Variants in CD207 observed in about 807,000 individuals in gnomAD.
The protein encoded by CD207 is CD207 molecule, also known as C-type lectin domain family 4 member K.
In CD207, 28 loss-of-function variants were observed where a neutral mutation model predicts 31.6. That is an observed-to-expected ratio of 0.89 (90% CI 0.66 to 1.21). The LOEUF is 1.21. CD207 is among the 50% of genes most tolerant of loss of function. The pLI is 0.00. For synonymous variants in CD207, 168 were observed against 153.9 expected, an observed-to-expected ratio of 1.09 and a Z score of -0.68; for missense variants, 388 against 397.8, an observed-to-expected ratio of 0.98 and a Z score of 0.21.
rs537437136 is a variant in CD207 at position 70,833,662 on chromosome 2, C to T, written c.549G>A (p.Lys183=). Residue 183 remains lysine, a synonymous_variant, in exon 3 of 6, where the codon AAG becomes AAA. Coordinates refer to ENST00000410009, the MANE Select transcript of CD207 (RefSeq NM_015717.5). ...GTCACTTACTTTGTCGTTTGAGCAA[C>T]TTGCTCATATTCTCCAAGCTGCCCT... ...ALQGSLENMS[K]LLKRQNDILQ... The T allele has an allele frequency of 1.9e-5, 30 of 1,610,868 alleles. 1 individual carries two copies. In the South Asian group the frequency reaches 3.2e-4, roughly 17 times the overall value.
In CD207 at chr2:70,835,777, C is replaced by T; in HGVS notation, c.-1G>A. On this transcript the variant is annotated 5_prime_UTR_variant, in exon 1 of 6. Coordinates refer to ENST00000410009, the MANE Select transcript of CD207 (RefSeq NM_015717.5). Reference sequence around the variant, plus strand: ...CAGGGGCCTCCTTCTCCACAGTCATCCTGAGTGCTCACCCTTATCCTGGGA... The same window carrying T: ...CAGGGGCCTCCTTCTCCACAGTCATTCTGAGTGCTCACCCTTATCCTGGGA... 3.1e-6 allele frequency: 5 copies of T among 1,609,714 alleles called. No homozygotes were observed. Among genetic ancestry groups the T allele is most frequent in the Non-Finnish European group, 4.2e-6 (5 of 1,177,966 alleles).
At chr2:70,828,741 C>T (rs537087670), downstream of CD207, among the ~76,000 whole-genome samples, 2 of 152,308 alleles carry the variant, frequency 1.3e-5, no homozygotes, top group Admixed American at 1.3e-4. Flanking sequence ...TCTCAGCTCA[C>T]TGCAACCTCT....
chr2:70,828,885 G>A (rs1553399243), downstream of CD207, among the ~76,000 whole-genome samples: 1 of 152,042 alleles, frequency 6.6e-6, no homozygotes, highest in African/African-American at 2.4e-5. Flanking sequence ...AGGCTGTCTC[G>A]AACTCCTGAC....
intron 2 of CD207, 71 bp downstream of exon 2, chr2:70,835,420 G>A: frequency 2.9e-6 from 3 of 1,031,506 alleles, no homozygotes; most frequent in Non-Finnish European, 4.5e-6. Context: ...CAGGGAAGTG[G>A]TCTCGATCTG....
At chr2:70,835,633 G>A (rs2104706180) in intron 1 of CD207, 26 bp from the exon 2 acceptor site, 1 of 1,610,600 alleles carries the variant, frequency 6.2e-7, no homozygotes, top group South Asian at 1.1e-5. Flanking sequence ...GAAAATGTGT[G>A]TTGAAGGAGC....
At chr2:70,835,407 G>A (rs1677588472) in intron 2 of CD207, 84 bp downstream of exon 2, 1 of 906,530 alleles carries the variant, frequency 1.1e-6, no homozygotes, top group Non-Finnish European at 1.8e-6. Context: ...GAAACCCGGA[G>A]AGCAGGGAAG....
rs1209596306 is a variant in CD207, at chr2:70,834,800, A to AC, written c.190+690dup. 3.3e-5 allele frequency among the ~76,000 whole-genome samples: 5 copies of AC among 152,098 alleles called. No individual in the cohort carries two copies. In the East Asian group the frequency reaches 7.8e-4, roughly 24 times the overall value. On this transcript the variant is annotated intron_variant, in intron 2 of 5. Coordinates refer to ENST00000410009, the MANE Select transcript of CD207 (RefSeq NM_015717.5). ...CGAGGCCACAGAGGGAGAAAAAAAA[A>AC]CCCAACAGCTTCTTGGGTCCCTTTG...
In CD207 at chr2:70,833,942, G is replaced by A. The variant is rs369671840; in HGVS notation, c.269C>T (p.Thr90Ile). ...ATTCTTTTTAATTTCAGAATCCAGG[G>A]TGCTGATGTTGTCCACACGACCTTT... The part of the protein sequence containing the change: ...LLKGRVDNIS[T>I]LDSEIKKNSD... The change falls in exon 3 of 6, where the codon ACC (threonine) becomes ATC (isoleucine). Residue 90 changes from threonine to isoleucine, a missense_variant. Thr to Ile is a moderately conservative substitution (Grantham distance 89). Transcript: ENST00000410009. 1 of 1,573,890 alleles carries A rather than the reference G, an allele frequency of 6.4e-7. No individual in the cohort carries two copies. The highest frequency in any genetic ancestry group is 8.6e-7 in the Non-Finnish European group (1 of 1,159,478).
At position 70,833,849 on chromosome 2, in the gene CD207, G is replaced by A; in HGVS notation, c.362C>T (p.Ser121Phe). ...MVNESLGYVR[S>F]QFLKLKTSVE... Reference sequence around the variant, plus strand: ...ACTGGTTTTTAACTTCAGGAACTGAGAACGCACATAACCCAGGCTCTCATT... The same window carrying A: ...ACTGGTTTTTAACTTCAGGAACTGAAAACGCACATAACCCAGGCTCTCATT... The change falls in exon 3 of 6, where the codon TCT (serine) becomes TTT (phenylalanine). Residue 121 changes from serine to phenylalanine, a missense_variant. Physicochemically the swap from Ser to Phe is radical, Grantham distance 155. Coordinates refer to ENST00000410009, the MANE Select transcript of CD207 (RefSeq NM_015717.5). 1 of 1,613,964 alleles carries A rather than the reference G, an allele frequency of 6.2e-7. No homozygotes were observed. Among genetic ancestry groups the A allele is most frequent in the Non-Finnish European group, 8.5e-7 (1 of 1,179,868 alleles).
chr2:70,835,497 C>A lies in CD207; in HGVS notation c.184G>T (p.Val62Phe). Residue 62 changes from valine to phenylalanine, a missense_variant, in exon 2 of 6, where the codon GTC (valine) becomes TTC (phenylalanine). Transcript: ENST00000410009. ...ATGAAACATGAGGACTTACAAAGGA[C>A]GGCCTGCAGCAGGACGGAGGCGACC... ...VLVASVLLQA[V>F]LYPRFMGTIS... The A allele has an allele frequency of 1.9e-6, 3 of 1,610,082 alleles. No homozygotes were observed. The highest frequency in any genetic ancestry group is 1.7e-6 in the Non-Finnish European group (2 of 1,176,902).
chr2:70,827,234 C>T (rs1301724453), downstream of CD207, among the ~76,000 whole-genome samples: 1 of 152,166 alleles, frequency 6.6e-6, no homozygotes, highest in African/African-American at 2.4e-5. Context: ...CTTTAGGCTC[C>T]CACAGAACAA....
intron 5 of CD207, 88 bp downstream of exon 5, chr2:70,831,613 T>C: frequency 4.8e-6 from 4 of 828,510 alleles, no homozygotes; most frequent in Non-Finnish European, 8.6e-6. Context: ...AGAAACCCTG[T>C]CTCATGGGGA....
chr2:70,832,180 G>C (rs1015879669), intron 4 of CD207, among the ~76,000 whole-genome samples: 1 of 152,206 alleles, frequency 6.6e-6, no homozygotes, highest in Non-Finnish European at 1.5e-5. Flanking sequence ...GTGCTGAGTC[G>C]TCCATATGCA....
chr2:70,832,247 G>A (rs1558628137), intron 4 of CD207, among the ~76,000 whole-genome samples: 1 of 152,186 alleles, frequency 6.6e-6, no homozygotes, highest in Non-Finnish European at 1.5e-5. Context: ...TCAAGTGAGG[G>A]CCAGTGAAGT....
At position 70,830,851 on chromosome 2, in the gene CD207, T is replaced by A; in HGVS notation, c.*199A>T. 2 of 519,698 alleles carry A rather than the reference T, an allele frequency of 3.8e-6. No homozygotes were observed. The highest frequency in any genetic ancestry group is 6.9e-6 in the Non-Finnish European group (2 of 291,658). 32.2% of individuals were successfully genotyped at this position (519,698 alleles called of 1,614,324 possible). On this transcript the variant is annotated 3_prime_UTR_variant, in exon 6 of 6. Coordinates refer to ENST00000410009, the MANE Select transcript of CD207 (RefSeq NM_015717.5). ...ACCCCTCCCACTTTAACCTGAATTCTCCTTTCCATTCCAGCTGCCTCCAAG... is the reference window on the plus strand; with the variant it reads ...ACCCCTCCCACTTTAACCTGAATTCACCTTTCCATTCCAGCTGCCTCCAAG...
In CD207 at chr2:70,834,034, A is replaced by T; in HGVS notation, c.191-14T>A. ...TAAACCGGGGATCTGGGATTGAGAA[A>T]GTCAGGAGGTCAGCTGAGGGGAGTC... On this transcript the variant is annotated splice_polypyrimidine_tract_variant and intron_variant, in intron 2 of 5. Transcript: ENST00000410009. 10 of 1,503,246 alleles carry T rather than the reference A, an allele frequency of 6.7e-6. No homozygotes were observed. The highest frequency in any genetic ancestry group is 8.9e-6 in the Non-Finnish European group (10 of 1,127,720). 93.1% of individuals were successfully genotyped at this position (1,503,246 alleles called of 1,614,324 possible).
chr2:70,832,947 C>A lies in CD207; in HGVS notation c.670G>T (p.Val224Leu). The change falls in exon 4 of 6, where the codon GTG becomes TTG. Residue 224 changes from valine (V) to leucine (L), a missense_variant. Val to Leu is a conservative substitution (Grantham distance 32). Coordinates refer to ENST00000410009, the MANE Select transcript of CD207 (RefSeq NM_015717.5). Reference sequence around the variant, plus strand: ...GAGGTCAGGTGTGAATTCCTGGACACACAGAACTGCTCGGCACTATACCAG... The same window carrying A: ...GAGGTCAGGTGTGAATTCCTGGACAAACAGAACTGCTCGGCACTATACCAG... ...KTWYSAEQFC[V>L]SRNSHLTSVT... 6.2e-7 allele frequency: 1 copy of A among 1,614,016 alleles called. No individual in the cohort carries two copies. Among genetic ancestry groups the A allele is most frequent in the Non-Finnish European group, 8.5e-7 (1 of 1,179,890 alleles).
At chr2:70,824,792 G>A in the CD207 span, among the ~76,000 whole-genome samples, 1 of 152,154 alleles carries the variant, frequency 6.6e-6, no homozygotes, top group Non-Finnish European at 1.5e-5. Flanking sequence ...ATATCTGTGA[G>A]TCCATACTGA....
chr2:70,831,681 G>T lies in CD207; in HGVS notation c.836+20C>A. On this transcript the variant is annotated intron_variant, in intron 5 of 5. Coordinates refer to ENST00000410009, the MANE Select transcript of CD207 (RefSeq NM_015717.5). ...TGGCCGGGGAAAGTCAGGCTGGCAC[G>T]GAGGGCTCCAGGGGCTTACCTCACA... 1 of 1,479,078 alleles carries T rather than the reference G, an allele frequency of 6.8e-7. No homozygotes were observed. The highest frequency in any genetic ancestry group is 9.5e-7 in the Non-Finnish European group (1 of 1,057,512). The allele number at this position is 1,479,078 out of a possible 1,614,324, so 91.6% of individuals were successfully genotyped here.
Sources: allele counts gnomAD v4.1 joint callset (sites outside exome capture counted in the v4.1 genomes callset), GRCh38; gene constraint gnomAD v4.1.1; transcripts MANE v1.5; gene names NCBI Gene and HGNC (gene_info 2026-07-23, HGNC 2026-07-21).